The following RABGAP1L variants were observed in gnomAD, a reference collection of about 807,000 sequenced individuals.
The protein encoded by RABGAP1L is RAB GTPase activating protein 1 like.
In RABGAP1L, 63 loss-of-function variants were observed where a neutral mutation model predicts 137.7. The observed-to-expected ratio is 0.46, with a 90% confidence interval of 0.37 to 0.56. RABGAP1L has a LOEUF of 0.56. RABGAP1L is among the 20% of genes least tolerant of loss of function. RABGAP1L has a pLI of 0.00. For synonymous variants in RABGAP1L, 431 were observed against 433.7 expected (o/e 0.99, Z 0.08); for missense variants, 1,095 against 1,244.0 (o/e 0.88, Z 1.80).
chr1:174,448,474 C>A lies in RABGAP1L; in HGVS notation c.1710+54329C>A. 1 of 1,613,834 alleles carries A rather than the reference C, an allele frequency of 6.2e-7. No individual in the cohort carries two copies. Among genetic ancestry groups the A allele is most frequent in the Non-Finnish European group, 8.5e-7 (1 of 1,179,756 alleles). ...CTTGCCAGGTTTTTGGATATATCAT[C>A]TCAGTTCTAAAAAGTGTTTCTATGG... On this transcript the variant is annotated intron_variant, in intron 13 of 25. Transcript: ENST00000681986. This position sits in a 1 kb window ranked among gnomAD's most constrained non-coding sequence, Gnocchi z 4.2.
intron 12 of RABGAP1L, among the ~76,000 whole-genome samples, chr1:174,373,146 G>T (rs1685243297): frequency 1.3e-5 from 2 of 152,156 alleles, no homozygotes; most frequent in African/African-American, 4.8e-5. Flanking sequence ...AAGATGAACA[G>T]TTCTCTTTTT....
intron 13 of RABGAP1L, among the ~76,000 whole-genome samples, chr1:174,451,824 G>A (rs1265028983): frequency 1.3e-5 from 2 of 152,012 alleles, no homozygotes; most frequent in Admixed American, 6.6e-5. Context: ...AAACTTACCA[G>A]TTTAGTCTAT....
At chr1:174,163,877 C>T (rs989776530) in intron 1 of RABGAP1L, among the ~76,000 whole-genome samples, 7 of 151,828 alleles carry the variant, frequency 4.6e-5, no homozygotes, top group African/African-American at 7.3e-5. Context: ...ACTATGCATC[C>T]CTAGTCCATG....
intron 19 of RABGAP1L, among the ~76,000 whole-genome samples, chr1:174,940,850 T>C (rs1665748691): frequency 6.6e-6 from 1 of 152,252 alleles, no homozygotes. Flanking sequence ...CAAACATCTG[T>C]TAAGACCATC....
chr1:174,775,949 G>C (rs533714764), intron 18 of RABGAP1L, among the ~76,000 whole-genome samples: 1 of 152,206 alleles, frequency 6.6e-6, no homozygotes, highest in Non-Finnish European at 1.5e-5. Context: ...CAGTCAGTCC[G>C]TAGGAATTTC....
intron 8 of RABGAP1L, among the ~76,000 whole-genome samples, chr1:174,272,935 T>C (rs1040426322): frequency 5.9e-5 from 9 of 152,046 alleles, no homozygotes; most frequent in Non-Finnish European, 1.2e-4. Context: ...AGTACACTTA[T>C]ACTAGGAGTA....
At chr1:174,172,118 A>G (rs543573710) in intron 1 of RABGAP1L, among the ~76,000 whole-genome samples, 1 of 147,930 alleles carries the variant, frequency 6.8e-6, no homozygotes, top group African/African-American at 2.5e-5. Flanking sequence ...AGGTTCATCT[A>G]TGTTGTTTCA....
At chr1:174,961,845 C>CAAAAAAAAAAAA (rs61233451) in intron 20 of RABGAP1L, among the ~76,000 whole-genome samples, 1 of 88,744 alleles carries the variant, frequency 1.1e-5, no homozygotes, top group Non-Finnish European at 2.3e-5. Flanking sequence ...GACTCTGTCT[C>CAAAAAAAAAAAA]AAAAAAAAAA....
At chr1:174,638,757 A>G (rs909085567) in intron 14 of RABGAP1L, among the ~76,000 whole-genome samples, 3 of 147,242 alleles carry the variant, frequency 2.0e-5, no homozygotes, top group African/African-American at 7.6e-5. Context: ...GAAATTGGAA[A>G]CCATCATTCT....
intron 19 of RABGAP1L, among the ~76,000 whole-genome samples, chr1:174,923,889 AAAAAAAG>A (rs1374456737): frequency 4.6e-5 from 7 of 151,926 alleles, no homozygotes; most frequent in African/African-American, 9.7e-5. Flanking sequence ...AAAAAAAAAA[AAAAAAAG>A]AAAAAAGAAA....
At chr1:174,659,971 C>G (rs1042532937) in intron 14 of RABGAP1L, among the ~76,000 whole-genome samples, 1 of 152,134 alleles carries the variant, frequency 6.6e-6, no homozygotes, top group Non-Finnish European at 1.5e-5. Context: ...AGGATATTAA[C>G]CCACAACACG....
intron 13 of RABGAP1L, among the ~76,000 whole-genome samples, chr1:174,403,367 A>T (rs1648876865): frequency 6.6e-6 from 1 of 151,410 alleles, no homozygotes; most frequent in Non-Finnish European, 1.5e-5. Context: ...AGTGCACTGC[A>T]GTTCATTCTT....
chr1:174,409,439 G>A (rs1000589677), intron 13 of RABGAP1L, among the ~76,000 whole-genome samples: 3 of 152,082 alleles, frequency 2.0e-5, no homozygotes, highest in African/African-American at 7.2e-5. Flanking sequence ...GTATGTAACT[G>A]TACAAATTGA....
At chr1:174,333,688 G>A (rs761258811) in intron 11 of RABGAP1L, among the ~76,000 whole-genome samples, 1 of 152,120 alleles carries the variant, frequency 6.6e-6, no homozygotes, top group Non-Finnish European at 1.5e-5. Context: ...CTCCCACTAC[G>A]CCCATTTTCA....
chr1:174,284,480 A>G (rs72713513), intron 10 of RABGAP1L, among the ~76,000 whole-genome samples: 3,810 of 152,258 alleles, frequency 0.025, 61 homozygotes, highest in Non-Finnish European at 0.041. Context: ...GTATATATTC[A>G]TTCATTCATT....
intron 18 of RABGAP1L, among the ~76,000 whole-genome samples, chr1:174,782,428 C>G (rs951606944): frequency 5.3e-5 from 8 of 152,104 alleles, no homozygotes; most frequent in African/African-American, 1.9e-4. Flanking sequence ...TATCCTGAGA[C>G]TTTGCTGAAG....
chr1:174,461,802 GCTTCCCA>G (rs1439105389), intron 13 of RABGAP1L, among the ~76,000 whole-genome samples: 1 of 152,092 alleles, frequency 6.6e-6, no homozygotes, highest in East Asian at 1.9e-4. Context: ...ATTTAATATA[GCTTCCCA>G]CTTTAATTGA....
At chr1:174,824,185 G>T (rs535636241) in intron 19 of RABGAP1L, among the ~76,000 whole-genome samples, 1 of 152,262 alleles carries the variant, frequency 6.6e-6, no homozygotes, top group Non-Finnish European at 1.5e-5. Context: ...AGCTACTAGG[G>T]AGGCTGGGGC....
At chr1:174,520,497 T>C (rs1663267805) in intron 13 of RABGAP1L, among the ~76,000 whole-genome samples, 1 of 152,250 alleles carries the variant, frequency 6.6e-6, no homozygotes, top group African/African-American at 2.4e-5. Context: ...TTTTACTTTC[T>C]CACTAATCAT....
Sources: gnomAD v4.1 joint callset for allele counts (sites outside exome capture counted in the v4.1 genomes callset) on GRCh38, gnomAD v4.1.1 for gene constraint, Gnocchi (gnomAD v3.1) non-coding constraint, MANE v1.5 for transcripts, NCBI Gene and HGNC (gene_info 2026-07-23, HGNC 2026-07-21) for gene names.